Variants in TNRC6A observed in about 807,000 individuals in gnomAD.
The protein encoded by TNRC6A is trinucleotide repeat-containing gene 6A protein.
Under a neutral mutation model 221.2 loss-of-function variants are expected in TNRC6A, and 44 were observed. The ratio of observed to expected loss-of-function variants is 0.20; its 90% CI spans 0.16 to 0.26. The LOEUF is 0.26. Among genes scored for constraint, TNRC6A ranks in the 10% least tolerant of loss-of-function variants. The pLI is 1.00. For missense variants in TNRC6A, 2,199 were observed against 2,404.4 expected (o/e 0.91, Z 1.79); for synonymous variants, 847 against 838.5 (o/e 1.01, Z -0.18).
intron 2 of TNRC6A, among the ~76,000 whole-genome samples, chr16:24,660,739 CTTTTT>C (rs58299677): frequency 2.4e-3 from 219 of 91,268 alleles, no homozygotes; most frequent in African/African-American, 9.8e-3. Flanking sequence ...TTTTTTTTTT[CTTTTT>C]TTTTTTTTTT....
intron 6 of TNRC6A, among the ~76,000 whole-genome samples, chr16:24,792,490 A>AT (rs879630329): frequency 1.9e-4 from 28 of 144,524 alleles, no homozygotes; most frequent in South Asian, 2.2e-4. Flanking sequence ...TTGGCACTGA[A>AT]TTTTTTTTTT....
chr16:24,791,951 G>A, intron 6 of TNRC6A, 134 bp downstream of exon 6: 1 of 977,640 alleles, frequency 1.0e-6, no homozygotes, highest in Non-Finnish European at 1.4e-6. Context: ...AAAAATTATA[G>A]GGGTGATGTT....
At chr16:24,771,587 A>ATGTTATGTTATGT (rs1567449500) in intron 4 of TNRC6A, among the ~76,000 whole-genome samples, 48 of 142,602 alleles carry the variant, frequency 3.4e-4, no homozygotes, top group African/African-American at 9.1e-4. Context: ...TTATGTTGTT[A>ATGTTATGTTATGT]TGTTATGTTA....
rs3803714 is a variant in TNRC6A at position 24,805,417 on chromosome 16, G to A, written c.4123-188G>A. 1,245 of 919,252 alleles carry A rather than the reference G, an allele frequency of 1.4e-3. 16 individuals are homozygous for A. In the East Asian group the frequency reaches 0.028, roughly 21 times the overall value. 56.9% of individuals were successfully genotyped at this position (919,252 alleles called of 1,614,324 possible). Reference sequence around the variant, plus strand: ...ATTGACTAGTTTAAGATGCACCTCTGTCATCTTTTACTTAACCCACGAAAA... The same window carrying A: ...ATTGACTAGTTTAAGATGCACCTCTATCATCTTTTACTTAACCCACGAAAA... On this transcript the variant is annotated intron_variant, in intron 14 of 24. Coordinates refer to ENST00000395799, the MANE Select transcript of TNRC6A (RefSeq NM_014494.4).
chr16:24,768,087 TTTATG>T (rs1166630404), intron 4 of TNRC6A, among the ~76,000 whole-genome samples: 2 of 152,142 alleles, frequency 1.3e-5, no homozygotes, highest in African/African-American at 2.4e-5. Context: ...ATTCTGTACT[TTTATG>T]TTATGGAAGA....
intron 2 of TNRC6A, among the ~76,000 whole-genome samples, chr16:24,670,391 G>T (rs980911967): frequency 6.6e-6 from 1 of 152,096 alleles, no homozygotes; most frequent in African/African-American, 2.4e-5. Context: ...TGCCCTTCAG[G>T]ACTGCAGAAA....
chr16:24,613,063 C>T (rs1342168071), intron 1 of TNRC6A, among the ~76,000 whole-genome samples: 2 of 143,076 alleles, frequency 1.4e-5, no homozygotes, highest in Admixed American at 1.5e-4. Context: ...TTGCAGTGAG[C>T]CGAGATCGCA....
intron 2 of TNRC6A, among the ~76,000 whole-genome samples, chr16:24,686,787 C>T (rs747638122): frequency 2.2e-4 from 33 of 152,134 alleles, no homozygotes; most frequent in Non-Finnish European, 3.5e-4. Context: ...GTGGGAAGCC[C>T]GAGCTCTGCT....
At position 24,791,261 on chromosome 16, in the gene TNRC6A, C is replaced by A. The variant is rs1351384608; in HGVS notation, c.2619C>A (p.Ser873=). 6.2e-7 allele frequency: 1 copy of A among 1,613,986 alleles called. No individual in the cohort carries two copies. The highest frequency in any genetic ancestry group is 1.7e-5 in the Admixed American group (1 of 60,008). The stretch of plus-strand genomic sequence containing the variant: ...ATTGGGGTGAGGCCAATAAGAAATC[C>A]AGCTCAGGAGGTAGTGACAGTGACA... ...NNHWGEANKK[S]SSGGSDSDRS... Residue 873 remains serine, a synonymous_variant, in exon 6 of 25, where the codon TCC becomes TCA. Coordinates refer to ENST00000395799, the MANE Select transcript of TNRC6A (RefSeq NM_014494.4).
intron 1 of TNRC6A, 100 bp downstream of exon 1, chr16:24,729,946 C>G (rs2056583118): frequency 2.8e-6 from 3 of 1,058,352 alleles, no homozygotes; most frequent in Non-Finnish European, 3.5e-6. Context: ...CGGCGCCGGG[C>G]GTCCCCGAGA....
chr16:24,697,417 G>A (rs927704809), intron 2 of TNRC6A, among the ~76,000 whole-genome samples: 5 of 152,158 alleles, frequency 3.3e-5, no homozygotes, highest in Non-Finnish European at 5.9e-5. Flanking sequence ...AGGCACAGTG[G>A]CTCACACCTG....
At position 24,789,704 on chromosome 16, in the gene TNRC6A, A is replaced by G; in HGVS notation, c.1062A>G (p.Gly354=). ...GCACTGTAAGTTCTTCATCAAATGG[A>G]GGGTTAAATCCAAGCACTTTGAATT... ...AWGTVSSSSN[G]GLNPSTLNSA... The change falls in exon 6 of 25, where the codon GGA becomes GGG. Residue 354 remains glycine, a synonymous_variant. Coordinates refer to ENST00000395799, the MANE Select transcript of TNRC6A (RefSeq NM_014494.4). 4 of 1,614,188 alleles carry G rather than the reference A, an allele frequency of 2.5e-6. No homozygotes were observed. The highest frequency in any genetic ancestry group is 3.4e-6 in the Non-Finnish European group (4 of 1,180,038).
intron 1 of TNRC6A, among the ~76,000 whole-genome samples, chr16:24,615,439 TAGAG>T (rs781038751): frequency 1.3e-5 from 2 of 152,016 alleles, no homozygotes; most frequent in African/African-American, 2.4e-5. Flanking sequence ...TGAGATCACT[TAGAG>T]AGTGTAAAGA....
intron 20 of TNRC6A, 109 bp downstream of exon 20, chr16:24,817,065 C>A: frequency 8.6e-7 from 1 of 1,164,944 alleles, no homozygotes; most frequent in Non-Finnish European, 1.1e-6. Flanking sequence ...ACTCTGGGAT[C>A]ACTTGAGCCC....
At chr16:24,676,144 C>A (rs968196115) in intron 2 of TNRC6A, among the ~76,000 whole-genome samples, 3 of 151,862 alleles carry the variant, frequency 2.0e-5, no homozygotes, top group African/African-American at 7.3e-5. Context: ...TGATTTACAC[C>A]CACTTATCTC....
chr16:24,684,576 T>A (rs1471564378), intron 2 of TNRC6A, among the ~76,000 whole-genome samples: 1 of 152,156 alleles, frequency 6.6e-6, no homozygotes, highest in Admixed American at 6.5e-5. Context: ...GAAACCAAGA[T>A]GGGAGGATCA....
At chr16:24,612,520 C>T (rs542156479) in intron 1 of TNRC6A, among the ~76,000 whole-genome samples, 1 of 151,154 alleles carries the variant, frequency 6.6e-6, no homozygotes, top group Admixed American at 6.6e-5. Flanking sequence ...GCCTAGGCGG[C>T]TGGATTGCTT....
intron 1 of TNRC6A, among the ~76,000 whole-genome samples, chr16:24,617,237 C>CA (rs1900404428): frequency 1.3e-5 from 2 of 151,998 alleles, no homozygotes; most frequent in South Asian, 4.2e-4. Flanking sequence ...GTGATCCTCC[C>CA]ACATCAGCCT....
intron 2 of TNRC6A, among the ~76,000 whole-genome samples, chr16:24,654,963 C>T (rs75175521): frequency 0.032 from 4,936 of 152,220 alleles, 239 homozygotes; most frequent in African/African-American, 0.1. Flanking sequence ...AAAGAAAAGG[C>T]TGGGCACAGT....
Sources: gnomAD v4.1 joint callset for allele counts (sites outside exome capture counted in the v4.1 genomes callset) on GRCh38, gnomAD v4.1.1 for gene constraint, MANE v1.5 for transcripts, NCBI Gene and HGNC (gene_info 2026-07-23, HGNC 2026-07-21) for gene names.